The following CELF4 variants were observed in gnomAD, a reference collection of about 807,000 sequenced individuals.
CELF4 encodes the protein CUG-BP- and ETR-3-like factor 4.
CELF4 carries 18 observed loss-of-function variants against 59.9 expected under a neutral mutation model. The observed-to-expected ratio is 0.30, with a 90% CI of 0.21 to 0.45. CELF4 has a LOEUF of 0.45. CELF4 is among the 20% of genes least tolerant of loss of function. CELF4 has a pLI of 1.00. For missense variants in CELF4, 456 were observed against 689.0 expected (o/e 0.66, Z 3.79); for synonymous variants, 261 against 267.1 (o/e 0.98, Z 0.22).
chr18:37,484,869 T>C (rs2099877514), intron 2 of CELF4, among the ~76,000 whole-genome samples: 1 of 152,210 alleles, frequency 6.6e-6, no homozygotes. Flanking sequence ...TATCCTTAGA[T>C]ACTCAGCAGC....
chr18:37,353,800 A>G (rs1184392186), intron 2 of CELF4, among the ~76,000 whole-genome samples: 3 of 136,576 alleles, frequency 2.2e-5, no homozygotes, highest in Non-Finnish European at 3.1e-5. Flanking sequence ...GGAGTCACCC[A>G]GGCTAGAGTG....
chr18:37,274,577 G>A (rs771050125), intron 5 of CELF4, 123 bp from the exon 6 acceptor site: 1 of 1,579,118 alleles, frequency 6.3e-7, no homozygotes, highest in South Asian at 1.1e-5. Flanking sequence ...CGGCATCGGC[G>A]CTCGCCCAGG....
chr18:37,555,410 C>G (rs1266319430), intron 1 of CELF4, among the ~76,000 whole-genome samples: 3 of 152,196 alleles, frequency 2.0e-5, no homozygotes. Flanking sequence ...AGGGACGCCT[C>G]TGTTTCCCCG....
At chr18:37,366,750 G>A (rs764826309) in intron 2 of CELF4, among the ~76,000 whole-genome samples, 2 of 152,098 alleles carry the variant, frequency 1.3e-5, no homozygotes, top group African/African-American at 4.8e-5. Flanking sequence ...GCATCCTTGG[G>A]GTCACAGAAC....
intron 2 of CELF4, among the ~76,000 whole-genome samples, chr18:37,386,553 A>G (rs1431781848): frequency 2.0e-5 from 3 of 152,256 alleles, no homozygotes; most frequent in African/African-American, 4.8e-5. Flanking sequence ...CCATTAACTG[A>G]GAGTGAGAAC....
At chr18:37,443,063 G>A (rs972917959) in intron 2 of CELF4, among the ~76,000 whole-genome samples, 3 of 152,170 alleles carry the variant, frequency 2.0e-5, no homozygotes, top group South Asian at 4.1e-4. Flanking sequence ...TTTCCAGTGC[G>A]TAGCTTTTGT....
intron 3 of CELF4, among the ~76,000 whole-genome samples, chr18:37,306,755 A>G (rs772031529): frequency 6.6e-6 from 1 of 152,132 alleles, no homozygotes; most frequent in African/African-American, 2.4e-5. Flanking sequence ...TTGGAGGCCG[A>G]CACATTTCTT....
chr18:37,519,423 C>T (rs578030771), intron 1 of CELF4, among the ~76,000 whole-genome samples: 1 of 152,240 alleles, frequency 6.6e-6, no homozygotes, highest in South Asian at 2.1e-4. Context: ...CGCCTTCCTC[C>T]CCCTTCTGCA....
chr18:37,255,360 G>A (rs1296103313), intron 11 of CELF4, among the ~76,000 whole-genome samples: 1 of 151,768 alleles, frequency 6.6e-6, no homozygotes, highest in Non-Finnish European at 1.5e-5. Flanking sequence ...TGCCCCAGAT[G>A]CTGCCTCCAT....
At chr18:37,470,890 C>CAGAGAGAGAGAGAGAGAGAG (rs142446683) in intron 2 of CELF4, among the ~76,000 whole-genome samples, 89 of 94,952 alleles carry the variant, frequency 9.4e-4, no homozygotes, top group Non-Finnish European at 1.2e-3. Context: ...GTGTGTGTGA[C>CAGAGAGAGAGAGAGAGAGAG]AGAGAGAGAG....
chr18:37,370,856 C>T (rs73427295), intron 2 of CELF4, among the ~76,000 whole-genome samples: 2,467 of 152,252 alleles, frequency 0.016, 23 homozygotes, highest in Middle Eastern at 0.031. Flanking sequence ...AATTTTTACC[C>T]AGTTCTTCAA....
rs542476641 is a variant in CELF4 at position 37,284,927 on chromosome 18, G to A, written c.449-9684C>T. ...AGCCCCAGGTGGTCTGGACCGAGCT[G>A]AGCTTTGAGGGTCTTCCTTTTCCCC... On this transcript the variant is annotated intron_variant, in intron 3 of 12. Transcript: ENST00000420428. Among the ~76,000 whole-genome samples the A allele has an allele frequency of 2.0e-5, 3 of 152,344 alleles. No homozygotes were observed. In the East Asian group the frequency reaches 5.8e-4, roughly 29 times the overall value.
chr18:37,332,811 T>G (rs1005197143), intron 2 of CELF4, among the ~76,000 whole-genome samples: 1 of 152,240 alleles, frequency 6.6e-6, no homozygotes, highest in African/African-American at 2.4e-5. Flanking sequence ...ATGCTGCTGC[T>G]GGGCTGACGT....
At chr18:37,258,424 C>T (rs1270469861) in intron 11 of CELF4, among the ~76,000 whole-genome samples, 1 of 152,170 alleles carries the variant, frequency 6.6e-6, no homozygotes, top group Non-Finnish European at 1.5e-5. Context: ...TATTTATATC[C>T]ATCTGCCTTC....
chr18:37,516,992 C>G lies in CELF4; in HGVS notation c.287-31385G>C, dbSNP rs566938066. ...GGGAAGCCCTGAGAGGCTGCGGGAC[C>G]GTGCCTTCAACTCTGGGTATCACAC... is the stretch of plus-strand genomic sequence containing the variant. On this transcript the variant is annotated intron_variant, in intron 1 of 12. Coordinates refer to ENST00000420428, the MANE Select transcript of CELF4 (RefSeq NM_020180.4). Among the ~76,000 whole-genome samples the G allele has an allele frequency of 7.3e-4, 111 of 152,356 alleles. 1 individual carries two copies. Among genetic ancestry groups the G allele is most frequent in the African/African-American group, 2.6e-3 (109 of 41,576 alleles).
chr18:37,531,508 C>T (rs1438827506), intron 1 of CELF4, among the ~76,000 whole-genome samples: 2 of 152,202 alleles, frequency 1.3e-5, no homozygotes, highest in Non-Finnish European at 2.9e-5. Flanking sequence ...ACACTGGTTG[C>T]CGCATGCCGA....
At chr18:37,321,911 T>G in intron 2 of CELF4, 30 bp from the exon 3 acceptor site, 1 of 1,589,294 alleles carries the variant, frequency 6.3e-7, no homozygotes, top group Non-Finnish European at 8.6e-7. Context: ...GACAGCATTA[T>G]AGCAGGCCTG....
At chr18:37,429,113 A>T (rs1238730964) in intron 2 of CELF4, among the ~76,000 whole-genome samples, 2 of 152,136 alleles carry the variant, frequency 1.3e-5, no homozygotes, top group African/African-American at 4.8e-5. Flanking sequence ...ATATCGGAAC[A>T]CTGGGTGCTT....
At chr18:37,308,497 C>T (rs1174427329) in intron 3 of CELF4, among the ~76,000 whole-genome samples, 2 of 152,192 alleles carry the variant, frequency 1.3e-5, no homozygotes, top group Admixed American at 6.5e-5. Flanking sequence ...CTCCTCTACT[C>T]ATTGGATGCT....
Sources: allele counts gnomAD v4.1 joint callset (sites outside exome capture counted in the v4.1 genomes callset), GRCh38; gene constraint gnomAD v4.1.1; transcripts MANE v1.5; gene names NCBI Gene and HGNC (gene_info 2026-07-23, HGNC 2026-07-21).